MLLT3: variants seen among roughly 807,000 people sequenced by gnomAD.
The protein encoded by MLLT3 is MLLT3 super elongation complex subunit, also known as protein AF-9.
Under a neutral mutation model 53.2 loss-of-function variants are expected in MLLT3, and 4 were observed. The ratio of observed to expected loss-of-function variants is 0.08; its 90% CI spans 0.04 to 0.17. The LOEUF (loss-of-function observed/expected upper bound fraction) is 0.17, where lower values mean the gene tolerates loss of function less well. Ranked by LOEUF, MLLT3 falls within the 10% of genes least tolerant of loss-of-function variation. The pLI is 1.00. For missense variants in MLLT3, 569 were observed against 684.0 expected (o/e 0.83, Z 1.87); for synonymous variants, 283 against 230.6 (o/e 1.23, Z -2.06).
chr9:20,413,645 C>G, intron 5 of MLLT3, 76 bp downstream of exon 5: 2 of 1,269,684 alleles, frequency 1.6e-6, no homozygotes, highest in Admixed American at 5.1e-5. Flanking sequence ...TTTCTTCCCT[C>G]ATTCTTTATT....
chr9:20,350,206 G>C (rs1040386695), intron 10 of MLLT3, among the ~76,000 whole-genome samples: 2 of 152,232 alleles, frequency 1.3e-5, no homozygotes, highest in African/African-American at 2.4e-5. Context: ...TGCTGATGCA[G>C]TGTGGCTTGA....
At chr9:20,440,843 T>C (rs77111826) in intron 4 of MLLT3, among the ~76,000 whole-genome samples, 22 of 152,334 alleles carry the variant, frequency 1.4e-4, no homozygotes, top group South Asian at 2.1e-4. Flanking sequence ...CTTGGCTTTT[T>C]GTGCAATTGG....
intron 5 of MLLT3, among the ~76,000 whole-genome samples, chr9:20,386,721 A>G (rs967011914): frequency 6.6e-6 from 1 of 152,216 alleles, no homozygotes; most frequent in Non-Finnish European, 1.5e-5. Context: ...ATTCTCAGTA[A>G]GAAATGCTAA....
chr9:20,550,520 T>C (rs1418653533), intron 2 of MLLT3, among the ~76,000 whole-genome samples: 6 of 152,026 alleles, frequency 3.9e-5, no homozygotes, highest in Non-Finnish European at 7.4e-5. Context: ...AACCTCGGCC[T>C]CCCAGACTCA....
chr9:20,414,460 A>G, intron 4 of MLLT3, 35 bp from the exon 5 acceptor site: 4 of 1,600,868 alleles, frequency 2.5e-6, no homozygotes, highest in Non-Finnish European at 3.4e-6. Flanking sequence ...AAACTCCCAA[A>G]ACTAAATAGC....
intron 2 of MLLT3, among the ~76,000 whole-genome samples, chr9:20,568,307 T>C (rs1819437298): frequency 6.6e-6 from 1 of 152,180 alleles, no homozygotes; most frequent in Admixed American, 6.6e-5. Flanking sequence ...AGAATTATAC[T>C]ATTCTCTCTA....
chr9:20,603,736 G>C (rs1251615766), intron 2 of MLLT3, among the ~76,000 whole-genome samples: 1 of 151,970 alleles, frequency 6.6e-6, no homozygotes, highest in East Asian at 1.9e-4. Context: ...TTTGCAGGAA[G>C]CCTTTGTGCT....
intron 3 of MLLT3, among the ~76,000 whole-genome samples, chr9:20,453,169 T>C (rs1823877919): frequency 1.3e-5 from 2 of 152,152 alleles, no homozygotes; most frequent in African/African-American, 4.8e-5. Context: ...ATTAAGAAAT[T>C]AGTAACATAT....
At chr9:20,356,782 C>G (rs1821181423) in intron 8 of MLLT3, among the ~76,000 whole-genome samples, 1 of 152,168 alleles carries the variant, frequency 6.6e-6, no homozygotes, top group African/African-American at 2.4e-5. Flanking sequence ...CATTTGGACG[C>G]TGAAGTCCCA....
intron 2 of MLLT3, among the ~76,000 whole-genome samples, chr9:20,464,930 A>G (rs6475431): frequency 0.29 from 43,926 of 151,958 alleles, 6,484 homozygotes; most frequent in South Asian, 0.38. Flanking sequence ...CTCGTTTCTC[A>G]TATCTTAAAT....
chr9:20,455,226 C>G lies in MLLT3; in HGVS notation c.276+1478G>C, dbSNP rs144841744. Among the ~76,000 whole-genome samples, 812 of 152,312 alleles carry G rather than the reference C, an allele frequency of 5.3e-3. 9 individuals are homozygous for G. Among genetic ancestry groups the G allele is most frequent in the Middle Eastern group, 0.037 (11 of 294 alleles). On this transcript the variant is annotated intron_variant, in intron 3 of 10. Coordinates refer to ENST00000380338, the MANE Select transcript of MLLT3 (RefSeq NM_004529.4). Reference sequence around the variant, plus strand: ...TGGTATCACCACTAAGAAAGATAATCATTATTCTAGCAAAGAGTTGTTGCT... The same window carrying G: ...TGGTATCACCACTAAGAAAGATAATGATTATTCTAGCAAAGAGTTGTTGCT...
At chr9:20,608,974 A>G (rs1307680229) in intron 2 of MLLT3, among the ~76,000 whole-genome samples, 1 of 151,966 alleles carries the variant, frequency 6.6e-6, no homozygotes, top group Non-Finnish European at 1.5e-5. Context: ...TGTGGGGTAA[A>G]GATGAACAAA....
At chr9:20,461,360 C>T (rs1824104088) in intron 2 of MLLT3, among the ~76,000 whole-genome samples, 1 of 151,886 alleles carries the variant, frequency 6.6e-6, no homozygotes, top group Admixed American at 6.6e-5. Context: ...GGAAGAAAAA[C>T]ACATGGAAAG....
intron 8 of MLLT3, among the ~76,000 whole-genome samples, chr9:20,356,420 C>T (rs188804590): frequency 5.2e-4 from 79 of 152,204 alleles, no homozygotes; most frequent in African/African-American, 1.7e-3. Flanking sequence ...GAATTTCCTC[C>T]TCCATTGTTG....
At chr9:20,582,274 T>C (rs1489540842) in intron 2 of MLLT3, among the ~76,000 whole-genome samples, 1 of 152,160 alleles carries the variant, frequency 6.6e-6, no homozygotes, top group Non-Finnish European at 1.5e-5. Context: ...TTTCTCTCTC[T>C]GTTGTACGGA....
chr9:20,345,203 A>G lies in MLLT3; in HGVS notation c.*1240T>C. On this transcript the variant is annotated 3_prime_UTR_variant, in exon 11 of 11. Transcript: ENST00000380338. ...ACCAATACAAGAAATCCTTCTGGAAATATTAGCAAGCAACTAAACAGGTAT... is the reference window on the plus strand; with the variant it reads ...ACCAATACAAGAAATCCTTCTGGAAGTATTAGCAAGCAACTAAACAGGTAT... 4.4e-6 allele frequency: 1 copy of G among 225,804 alleles called. No homozygotes were observed. The highest frequency in any genetic ancestry group is 8.8e-6 in the Non-Finnish European group (1 of 113,384). 14.0% of individuals were successfully genotyped at this position (225,804 alleles called of 1,614,324 possible).
chr9:20,607,427 G>C (rs539834940), intron 2 of MLLT3, among the ~76,000 whole-genome samples: 1 of 152,114 alleles, frequency 6.6e-6, no homozygotes, highest in Non-Finnish European at 1.5e-5. Flanking sequence ...ATCACATTTA[G>C]AATTCTCTCA....
chr9:20,505,935 C>T (rs547173421), intron 2 of MLLT3, among the ~76,000 whole-genome samples: 7 of 152,174 alleles, frequency 4.6e-5, no homozygotes, highest in Non-Finnish European at 1.0e-4. Context: ...CTAAAATGTC[C>T]TTCATGGTCC....
chr9:20,398,394 G>C (rs1053747241), intron 5 of MLLT3, among the ~76,000 whole-genome samples: 3 of 152,050 alleles, frequency 2.0e-5, no homozygotes, highest in African/African-American at 7.2e-5. Flanking sequence ...TTAATTATAC[G>C]GTTGTAGTTA....
Sources: gnomAD v4.1 joint callset for allele counts (sites outside exome capture counted in the v4.1 genomes callset) on GRCh38, gnomAD v4.1.1 for gene constraint, MANE v1.5 for transcripts, NCBI Gene and HGNC (gene_info 2026-07-23, HGNC 2026-07-21) for gene names.